Variants in C4orf51 observed in about 807,000 individuals in gnomAD.
C4orf51 encodes the protein chromosome 4 open reading frame 51, also known as uncharacterized protein C4orf51.
In C4orf51, 25 loss-of-function variants were observed where a neutral mutation model predicts 25.2. The ratio of observed to expected loss-of-function variants is 0.99; its 90% CI spans 0.72 to 1.39. C4orf51 has a LOEUF of 1.39. Ranked by LOEUF, C4orf51 falls within the 40% of genes most tolerant of loss-of-function variation. The pLI is 0.00. For synonymous variants in C4orf51, 100 were observed against 84.5 expected (o/e 1.18, Z -1.01); for missense variants, 252 against 239.6 (o/e 1.05, Z -0.34).
rs774853586 is a variant in C4orf51, at chr4:145,680,414, C to G, written c.211C>G (p.Gln71Glu). The change falls in exon 1 of 6, where the codon CAG (glutamine) becomes GAG (glutamate). Residue 71 changes from glutamine to glutamate, a missense_variant. Coordinates refer to ENST00000438731, the MANE Select transcript of C4orf51 (RefSeq NM_001080531.3). ...MCSQFSFRAG[Q>E]HEPECKQMSL... The stretch of plus-strand genomic sequence containing the variant: ...CAGCCAATTTTCTTTTAGAGCAGGA[C>G]AGCATGAGCCTGAGTGTAAACAGTA... 1.1e-5 allele frequency: 18 copies of G among 1,613,542 alleles called. No homozygotes were observed. The African/African-American group carries it at 2.4e-4, about 22-fold the overall frequency.
intron 5 of C4orf51, among the ~76,000 whole-genome samples, 191 bp from the exon 6 acceptor site, chr4:145,732,261 AT>A (rs1732519357): frequency 6.6e-6 from 1 of 152,204 alleles, no homozygotes; most frequent in Non-Finnish European, 1.5e-5. Context: ...CACTTTATTA[AT>A]CTGGCCTTCC....
At chr4:145,723,109 C>T (rs1304116176) in intron 2 of C4orf51, among the ~76,000 whole-genome samples, 2 of 152,046 alleles carry the variant, frequency 1.3e-5, no homozygotes, top group African/African-American at 2.4e-5. Flanking sequence ...TCACCCCTGC[C>T]CCTGCCCACC....
At chr4:145,741,369 T>C (rs1733088442) in intron 1 of C4orf51, among the ~76,000 whole-genome samples, 1 of 152,202 alleles carries the variant, frequency 6.6e-6, no homozygotes, top group African/African-American at 2.4e-5. Flanking sequence ...TTTGGACTCT[T>C]TGTATTTAGG....
At chr4:145,738,275 C>A (rs1403557920) in intron 1 of C4orf51, among the ~76,000 whole-genome samples, 2 of 151,972 alleles carry the variant, frequency 1.3e-5, no homozygotes, top group Admixed American at 1.3e-4. Context: ...TATGGTGAAA[C>A]CCCGTCTCTA....
At position 145,680,300 on chromosome 4, in the gene C4orf51, T is replaced by C; in HGVS notation, c.97T>C (p.Ser33Pro). 1 of 1,613,992 alleles carries C rather than the reference T, an allele frequency of 6.2e-7. No homozygotes were observed. The highest frequency in any genetic ancestry group is 1.3e-5 in the African/African-American group (1 of 75,056). ...TCTGATCAGACGCAAGGCTGGAGCA[T>C]CTTGGCAGGATGAAACACGATGGTC... Reference protein sequence around the residue: ...FDLIRRKAGASWQDETRWSDS... With the variant: ...FDLIRRKAGAPWQDETRWSDS... Residue 33 changes from serine (S) to proline (P), a missense_variant, in exon 1 of 6, where the codon TCT (serine) becomes CCT (proline). Ser to Pro is a moderately conservative substitution (Grantham distance 74). Coordinates refer to ENST00000438731, the MANE Select transcript of C4orf51 (RefSeq NM_001080531.3).
chr4:145,741,900 C>T lies in C4orf51; in HGVS notation n.167+9281C>T, dbSNP rs1733122881. 5.3e-5 allele frequency among the ~76,000 whole-genome samples: 8 copies of T among 152,014 alleles called. No homozygotes were observed. In the South Asian group the frequency reaches 1.7e-3, roughly 32 times the overall value. ...GTTGTTAGTAGAGACTGGGTTTCAC[C>T]ATGTTGGCCAGGGTGGTCTCAAACT... is the stretch of plus-strand genomic sequence containing the variant. On this transcript the variant is annotated intron_variant and non_coding_transcript_variant, in intron 1 of 1. Coordinates refer to the C4orf51 transcript ENST00000508981.
At chr4:145,726,246 A>C (rs531860404) in intron 2 of C4orf51, among the ~76,000 whole-genome samples, 1 of 152,342 alleles carries the variant, frequency 6.6e-6, no homozygotes, top group East Asian at 1.9e-4. Flanking sequence ...ACATGTATAC[A>C]ATGTGTAATG....
At chr4:145,720,865 T>C (rs9997749) in intron 2 of C4orf51, among the ~76,000 whole-genome samples, 57,786 of 151,962 alleles carry the variant, frequency 0.38, 11,983 homozygotes, top group African/African-American at 0.55. Context: ...CATTTCTCTA[T>C]GGACCTTGAT....
At chr4:145,782,291 C>T in the C4orf51 span, among the ~76,000 whole-genome samples, 179 of 152,268 alleles carry the variant, frequency 1.2e-3, 1 homozygote, top group African/African-American at 4.0e-3. Context: ...AAGAGGCAGT[C>T]GGGGGAGGAG....
chr4:145,758,872 A>G (rs1163004571), downstream of C4orf51: 1 of 152,400 alleles, frequency 6.6e-6, no homozygotes, highest in Non-Finnish European at 1.5e-5. Flanking sequence ...CACACCTACT[A>G]GGTGTGGGGA....
At chr4:145,734,074 A>G (rs573725122), downstream of C4orf51, among the ~76,000 whole-genome samples, 96 of 152,376 alleles carry the variant, frequency 6.3e-4, no homozygotes, top group Middle Eastern at 3.4e-3. Flanking sequence ...AGCTTTACAG[A>G]TAGGTTGCAA....
chr4:145,701,450 G>A (rs1352546194), intron 2 of C4orf51, among the ~76,000 whole-genome samples: 1 of 152,010 alleles, frequency 6.6e-6, no homozygotes, highest in Non-Finnish European at 1.5e-5. Flanking sequence ...CCATCTGTGC[G>A]GGGACCCCAC....
intron 5 of C4orf51, 100 bp downstream of exon 5, chr4:145,730,065 G>C (rs930792979): frequency 1.3e-5 from 12 of 953,646 alleles, no homozygotes; most frequent in Non-Finnish European, 1.9e-5. Flanking sequence ...GGTGGCCTGT[G>C]TATGTTTAGA....
At chr4:145,700,013 C>T (rs754563765) in intron 2 of C4orf51, among the ~76,000 whole-genome samples, 5 of 152,126 alleles carry the variant, frequency 3.3e-5, no homozygotes, top group Non-Finnish European at 7.4e-5. Context: ...AACCCCCAAT[C>T]CCTTATTTCT....
chr4:145,702,519 A>G (rs1160961124), intron 2 of C4orf51, among the ~76,000 whole-genome samples: 3 of 151,662 alleles, frequency 2.0e-5, no homozygotes, highest in Non-Finnish European at 4.4e-5. Flanking sequence ...TGTTAGTCAT[A>G]CTCCTATTCA....
At chr4:145,700,343 T>C (rs1730353470) in intron 2 of C4orf51, among the ~76,000 whole-genome samples, 1 of 152,060 alleles carries the variant, frequency 6.6e-6, no homozygotes, top group Non-Finnish European at 1.5e-5. Context: ...TCCGTGTCTC[T>C]ACACTCTCTT....
chr4:145,783,443 T>C, the C4orf51 span, among the ~76,000 whole-genome samples: 1 of 152,330 alleles, frequency 6.6e-6, no homozygotes, highest in Admixed American at 6.5e-5. Context: ...ATTCTATTAG[T>C]GGAAATGTTT....
chr4:145,725,800 G>C (rs1330015525), intron 2 of C4orf51, among the ~76,000 whole-genome samples: 1 of 152,106 alleles, frequency 6.6e-6, no homozygotes, highest in Non-Finnish European at 1.5e-5. Context: ...AACTATAAAT[G>C]AGCAAAAGGA....
At chr4:145,772,660 C>T (rs1434790850), downstream of C4orf51, among the ~76,000 whole-genome samples, 1 of 152,164 alleles carries the variant, frequency 6.6e-6, no homozygotes, top group Non-Finnish European at 1.5e-5. Flanking sequence ...TTACTATTTG[C>T]CCCTTTGAAA....
Sources: gnomAD v4.1 joint callset for allele counts (sites outside exome capture counted in the v4.1 genomes callset) on GRCh38, gnomAD v4.1.1 for gene constraint, MANE v1.5 for transcripts, NCBI Gene and HGNC (gene_info 2026-07-23, HGNC 2026-07-21) for gene names.